Variants in RIPOR2 observed in about 807,000 individuals in gnomAD.
RIPOR2 encodes RHO family interacting cell polarization regulator 2, also known as rho family-interacting cell polarization regulator 2.
RIPOR2 carries 39 observed loss-of-function variants against 114.5 expected under a neutral mutation model. The ratio of observed to expected loss-of-function variants is 0.34; its 90% CI spans 0.26 to 0.44. The LOEUF is 0.44. Ranked by LOEUF, RIPOR2 falls within the 20% of genes least tolerant of loss-of-function variation. RIPOR2 has a pLI of 1.00. For synonymous variants in RIPOR2, 445 were observed against 484.4 expected, an observed-to-expected ratio of 0.92 and a Z score of 1.07; for missense variants, 1,007 against 1,255.1, an observed-to-expected ratio of 0.80 and a Z score of 2.99.
chr6:24,903,849 C>T (rs1425062136), intron 1 of RIPOR2, among the ~76,000 whole-genome samples: 5 of 152,238 alleles, frequency 3.3e-5, no homozygotes, highest in African/African-American at 1.2e-4. Context: ...TGTTCTGCCA[C>T]ATGCTACTGT....
intron 1 of RIPOR2, among the ~76,000 whole-genome samples, chr6:24,965,897 A>C (rs1320004674): frequency 6.6e-6 from 1 of 152,216 alleles, no homozygotes; most frequent in Non-Finnish European, 1.5e-5. Context: ...GGTAGATACA[A>C]CTATGGACAA....
chr6:24,829,830 C>T (rs145875608), intron 17 of RIPOR2, among the ~76,000 whole-genome samples: 133 of 152,190 alleles, frequency 8.7e-4, no homozygotes, highest in Non-Finnish European at 1.3e-3. Context: ...CTGGATCCAA[C>T]GGTAGGGGGT....
At position 24,969,041 on chromosome 6, in the gene RIPOR2, T is replaced by C. The variant is rs150889845; in HGVS notation, c.76+72810A>G. The stretch of plus-strand genomic sequence containing the variant: ...CACCTTCCCATCATTAGACAAGCGA[T>C]ATAAAGTGCTTGTGAAAAAGCCCTT... On this transcript the variant is annotated intron_variant, in intron 1 of 13. Coordinates refer to the RIPOR2 transcript ENST00000510784. 1.0e-3 allele frequency among the ~76,000 whole-genome samples: 154 copies of C among 152,290 alleles called. 1 individual carries two copies. The highest frequency in any genetic ancestry group is 3.2e-3 in the African/African-American group (132 of 41,568).
At chr6:25,029,946 T>C (rs1458484837) in intron 1 of RIPOR2, among the ~76,000 whole-genome samples, 2 of 152,138 alleles carry the variant, frequency 1.3e-5, no homozygotes, top group Non-Finnish European at 2.9e-5. Context: ...CACTTTTAAC[T>C]CAAGGTAGGG....
At chr6:24,990,149 T>C (rs1774737042) in intron 1 of RIPOR2, among the ~76,000 whole-genome samples, 1 of 152,246 alleles carries the variant, frequency 6.6e-6, no homozygotes, top group Non-Finnish European at 1.5e-5. Flanking sequence ...CCTGGACATT[T>C]TCTCAAATGA....
upstream of RIPOR2, among the ~76,000 whole-genome samples, chr6:24,936,801 C>A (rs900706169): frequency 3.3e-5 from 5 of 152,174 alleles, no homozygotes; most frequent in Non-Finnish European, 7.3e-5. Context: ...ACTGAGACTT[C>A]ATTTCGGGGT....
chr6:24,955,996 T>C (rs541648917), intron 1 of RIPOR2, among the ~76,000 whole-genome samples: 2 of 114,386 alleles, frequency 1.7e-5, no homozygotes, highest in South Asian at 5.9e-4. Flanking sequence ...GGCGACAGAG[T>C]GAGACTCTGT....
intron 1 of RIPOR2, among the ~76,000 whole-genome samples, chr6:24,955,698 C>CAAAAA (rs34104173): frequency 7.4e-6 from 1 of 134,926 alleles, no homozygotes; most frequent in Non-Finnish European, 1.6e-5. Context: ...GCTGCTCCTT[C>CAAAAA]AAAAAAAAAA....
intron 1 of RIPOR2, among the ~76,000 whole-genome samples, chr6:24,993,930 T>A (rs1048837745): frequency 2.6e-5 from 4 of 152,258 alleles, no homozygotes; most frequent in African/African-American, 7.2e-5. Flanking sequence ...GTATCATTTT[T>A]AAAATCTCAT....
intron 1 of RIPOR2, among the ~76,000 whole-genome samples, chr6:25,016,203 G>T (rs567386267): frequency 6.6e-6 from 1 of 151,918 alleles, no homozygotes; most frequent in East Asian, 1.9e-4. Flanking sequence ...ACCACTCCCC[G>T]TCCTAAAAAT....
At chr6:25,039,539 C>T (rs967849441) in intron 1 of RIPOR2, among the ~76,000 whole-genome samples, 1 of 152,144 alleles carries the variant, frequency 6.6e-6, no homozygotes, top group African/African-American at 2.4e-5. Context: ...CATATTAAAA[C>T]CATGCAGAAA....
At chr6:24,840,249 A>G (rs1467463849) in intron 13 of RIPOR2, 1 of 1,017,958 alleles carries the variant, frequency 9.8e-7, no homozygotes, top group Non-Finnish European at 1.2e-6. Context: ...TGCTCACAGC[A>G]TATAATTTTT....
At chr6:25,016,215 C>A (rs1165977721) in intron 1 of RIPOR2, among the ~76,000 whole-genome samples, 2 of 152,012 alleles carry the variant, frequency 1.3e-5, no homozygotes, top group Non-Finnish European at 2.9e-5. Flanking sequence ...CCTAAAAATG[C>A]AGTTCTAAAA....
At chr6:24,840,104 C>A in intron 13 of RIPOR2, 1 of 691,052 alleles carries the variant, frequency 1.4e-6, no homozygotes, top group Non-Finnish European at 1.8e-6. Context: ...CATGTGCCAC[C>A]ACACCAGGCT....
intron 1 of RIPOR2, chr6:25,024,611 T>G (rs1776516768): frequency 1.3e-5 from 6 of 461,724 alleles, no homozygotes; most frequent in Non-Finnish European, 2.0e-5. Context: ...TTAACCATTG[T>G]TAAAGGTTTC....
At chr6:24,824,634 T>C (rs934230119) in intron 19 of RIPOR2, among the ~76,000 whole-genome samples, 1 of 152,226 alleles carries the variant, frequency 6.6e-6, no homozygotes, top group Non-Finnish European at 1.5e-5. Context: ...AAATTACCTC[T>C]TCCCTGGAAG....
chr6:24,920,392 A>G (rs1282174651), intron 1 of RIPOR2, among the ~76,000 whole-genome samples: 10 of 152,174 alleles, frequency 6.6e-5, no homozygotes, highest in African/African-American at 2.4e-4. Context: ...TATCATGTTT[A>G]CAGAACACTG....
chr6:24,859,468 G>A (rs577547995), intron 8 of RIPOR2, among the ~76,000 whole-genome samples: 8 of 152,212 alleles, frequency 5.3e-5, no homozygotes, highest in African/African-American at 1.4e-4. Context: ...CAGGGCCCAC[G>A]TGGGACTATG....
chr6:24,846,600 T>A (rs1231711910), intron 12 of RIPOR2, among the ~76,000 whole-genome samples: 2 of 152,100 alleles, frequency 1.3e-5, no homozygotes, highest in African/African-American at 4.8e-5. Flanking sequence ...GCTACCATGT[T>A]CAGCCTTCAC....
Sources: allele counts gnomAD v4.1 joint callset (sites outside exome capture counted in the v4.1 genomes callset), GRCh38; gene constraint gnomAD v4.1.1; transcripts MANE v1.5; gene names NCBI Gene and HGNC (gene_info 2026-07-23, HGNC 2026-07-21).